PSCA: variants seen among roughly 807,000 people sequenced by gnomAD.
PSCA encodes prostate stem cell antigen.
PSCA carries 7 observed loss-of-function variants against 7.9 expected under a neutral mutation model. That is an observed-to-expected ratio of 0.89 (90% CI 0.51 to 1.67). The LOEUF is 1.67. Ranked by LOEUF, PSCA falls within the 40% of genes most tolerant of loss-of-function variation. PSCA has a pLI of 0.00. For synonymous variants in PSCA, 61 were observed against 68.3 expected, an observed-to-expected ratio of 0.89 and a Z score of 0.53; for missense variants, 151 against 147.9, an observed-to-expected ratio of 1.02 and a Z score of -0.11.
rs782368535 is a variant in PSCA, at chr8:142,682,161, C to A, written c.*29C>A. 10 of 1,579,140 alleles carry A rather than the reference C, an allele frequency of 6.3e-6. No homozygotes were observed. Among genetic ancestry groups the A allele is most frequent in the African/African-American group, 2.7e-5 (2 of 74,490 alleles). The stretch of plus-strand genomic sequence containing the variant: ...CTGGGGGGCCCCGCTGCAGCCCACA[C>A]TGGGTGTGGTGCCCCAGGCCTCTGT... On this transcript the variant is annotated 3_prime_UTR_variant, in exon 3 of 3. Coordinates refer to ENST00000301258, the MANE Select transcript of PSCA (RefSeq NM_005672.5).
At chr8:142,681,625 A>G (rs2920298) in intron 2 of PSCA, 191 bp downstream of exon 2, 292,063 of 634,118 alleles carry the variant, frequency 0.46, 68,423 homozygotes, top group Admixed American at 0.54. Context: ...TCCTCCACTC[A>G]TCTGTCCCTC....
At chr8:142,671,368 C>T (rs1554637347) in intron 1 of PSCA, among the ~76,000 whole-genome samples, 1 of 152,204 alleles carries the variant, frequency 6.6e-6, no homozygotes, top group African/African-American at 2.4e-5. Context: ...AACAGGGCCT[C>T]TCCTGGAGCC....
intron 1 of PSCA, among the ~76,000 whole-genome samples, chr8:142,672,700 C>G (rs1847348323): frequency 6.6e-6 from 1 of 152,144 alleles, no homozygotes; most frequent in Non-Finnish European, 1.5e-5. Flanking sequence ...GGTTAAGGAG[C>G]AGAAAGTTTA....
Position 142,682,396 on chromosome 8 carries a change from G to A in PSCA, c.*264G>A, listed in dbSNP as rs1554638554. Reference sequence around the variant, plus strand: ...AACCCTCTCTGCTGCTGTTTCCATGGCCCAGCATTCTCCACCCTTAACCCT... The same window carrying A: ...AACCCTCTCTGCTGCTGTTTCCATGACCCAGCATTCTCCACCCTTAACCCT... On this transcript the variant is annotated 3_prime_UTR_variant, in exon 3 of 3. Coordinates refer to ENST00000301258, the MANE Select transcript of PSCA (RefSeq NM_005672.5). 1 of 691,720 alleles carries A rather than the reference G, an allele frequency of 1.4e-6. No homozygotes were observed. Among genetic ancestry groups the A allele is most frequent in the East Asian group, 2.7e-5 (1 of 36,600 alleles). 42.8% of individuals were successfully genotyped at this position (691,720 alleles called of 1,614,324 possible). A position where few individuals can be genotyped will look rare whatever the true frequency, so the allele number is the denominator to read the frequency against.
chr8:142,671,015 A>G (rs1173001347), intron 1 of PSCA, among the ~76,000 whole-genome samples: 1 of 152,094 alleles, frequency 6.6e-6, no homozygotes, highest in East Asian at 1.9e-4. Flanking sequence ...AATACAATGT[A>G]AGCGCTATGT....
Position 142,681,485 on chromosome 8 carries a change from T to G in PSCA, c.133+51T>G, listed in dbSNP as rs782792311. 6 of 1,480,060 alleles carry G rather than the reference T, an allele frequency of 4.1e-6. No individual in the cohort carries two copies. In the African/African-American group the frequency reaches 8.4e-5, roughly 21 times the overall value. 91.7% of individuals were successfully genotyped at this position (1,480,060 alleles called of 1,614,324 possible). A position where few individuals can be genotyped will look rare whatever the true frequency, so the allele number is the denominator to read the frequency against. ...GGCCTAGGTCTCTGCCACTGAACTA[T>G]TAATCTTTCTGGCCATCTGTCCGCA... On this transcript the variant is annotated intron_variant, in intron 2 of 2. Coordinates refer to ENST00000301258, the MANE Select transcript of PSCA (RefSeq NM_005672.5).
upstream of PSCA, among the ~76,000 whole-genome samples, chr8:142,677,994 G>A (rs1174818697): frequency 6.6e-6 from 1 of 152,066 alleles, no homozygotes; most frequent in Non-Finnish European, 1.5e-5. Context: ...AGGGAGGTCG[G>A]GTCTTGCATC....
chr8:142,678,801 T>A (rs991093713), upstream of PSCA, among the ~76,000 whole-genome samples: 12 of 151,086 alleles, frequency 7.9e-5, no homozygotes, highest in Non-Finnish European at 1.6e-4. Flanking sequence ...CTGGGCCTGC[T>A]CTAGAGGACC....
intron 1 of PSCA, among the ~76,000 whole-genome samples, chr8:142,674,470 C>T (rs1847373938): frequency 6.6e-6 from 1 of 152,224 alleles, no homozygotes; most frequent in Non-Finnish European, 1.5e-5. Flanking sequence ...CCTCATCTTC[C>T]TCATGCAGTG....
chr8:142,670,373 G>A (rs1248431381), exon 1 of PSCA: 1 of 152,344 alleles, frequency 6.6e-6, no homozygotes, highest in Non-Finnish European at 1.5e-5. Context: ...AGGCGCCCAG[G>A]GTTTCGTGCC....
At chr8:142,671,729 G>A (rs2129849785) in intron 1 of PSCA, among the ~76,000 whole-genome samples, 1 of 152,164 alleles carries the variant, frequency 6.6e-6, no homozygotes, top group African/African-American at 2.4e-5. Flanking sequence ...TTAATTTTTT[G>A]TGGAAACGAG....
In PSCA at chr8:142,673,414, A is replaced by G. The variant is rs946874338; in HGVS notation, n.261+2846A>G. ...GGGCCTCTTCTCGAGGACCAAGTCC[A>G]TTCTGACACTGGGAGGGGTCAGAAA... On this transcript the variant is annotated intron_variant and non_coding_transcript_variant, in intron 1 of 1. Coordinates refer to the PSCA transcript ENST00000505305. This position sits in a 1 kb window ranked among gnomAD's most constrained non-coding sequence, Gnocchi z 4.6. Among the ~76,000 whole-genome samples, 4 of 152,182 alleles carry G rather than the reference A, an allele frequency of 2.6e-5. No individual in the cohort carries two copies. The highest frequency in any genetic ancestry group is 4.4e-5 in the Non-Finnish European group (3 of 68,028).
At position 142,673,555 on chromosome 8, in the gene PSCA, T is replaced by C. The variant is rs1847360397; in HGVS notation, n.261+2987T>C. ...TGCCATAGAGAAAGAGTTTAATTCA[T>C]GCAGAGCCAGCTGAACGGGAGACCA... On this transcript the variant is annotated intron_variant and non_coding_transcript_variant, in intron 1 of 1. Coordinates refer to the PSCA transcript ENST00000505305. The surrounding 1 kb of genome is among the most constrained non-coding windows in gnomAD (Gnocchi z 4.6). Among the ~76,000 whole-genome samples, 1 of 152,250 alleles carries C rather than the reference T, an allele frequency of 6.6e-6. No individual in the cohort carries two copies. The highest frequency in any genetic ancestry group is 1.5e-5 in the Non-Finnish European group (1 of 68,040).
intron 1 of PSCA, among the ~76,000 whole-genome samples, chr8:142,672,761 G>A (rs149085884): frequency 4.6e-5 from 7 of 152,296 alleles, no homozygotes; most frequent in Non-Finnish European, 1.0e-4. Context: ...CGAAAGAGGC[G>A]TCCAAAAGAG....
At position 142,681,196 on chromosome 8, in the gene PSCA, C is replaced by T. The variant is rs587604817; in HGVS notation, c.26-131C>T. The T allele has an allele frequency of 9.5e-5, 61 of 641,514 alleles. No homozygotes were observed. In the East Asian group the frequency reaches 1.0e-3, roughly 11 times the overall value. The allele number at this position is 641,514 out of a possible 1,614,324, so 39.7% of individuals were successfully genotyped here. ...GGGGGCCGTGAAGATGGGGAGGAGACATTGAGGGTGACAAGAGGGCGCCGA... is the reference window on the plus strand; with the variant it reads ...GGGGGCCGTGAAGATGGGGAGGAGATATTGAGGGTGACAAGAGGGCGCCGA... On this transcript the variant is annotated intron_variant, in intron 1 of 2. Coordinates refer to ENST00000301258, the MANE Select transcript of PSCA (RefSeq NM_005672.5).
chr8:142,678,035 ATCC>A (rs1847418340), upstream of PSCA, among the ~76,000 whole-genome samples: 1 of 152,018 alleles, frequency 6.6e-6, no homozygotes, highest in Non-Finnish European at 1.5e-5. Context: ...TGTCACCTTG[ATCC>A]CAGACTCAAG....
At chr8:142,678,563 G>A (rs1367961273), upstream of PSCA, among the ~76,000 whole-genome samples, 1 of 152,262 alleles carries the variant, frequency 6.6e-6, no homozygotes, top group Non-Finnish European at 1.5e-5. Flanking sequence ...GTGACCAGAG[G>A]CTGGCCAGAA....
rs1402552969 is a variant in PSCA at position 142,673,467 on chromosome 8, A to G, written n.261+2899A>G. The stretch of plus-strand genomic sequence containing the variant: ...GAGGAAGAAAATACACTAGCGTGTA[A>G]TCACCCAGTGGGTTCATTTTGACCC... On this transcript the variant is annotated intron_variant and non_coding_transcript_variant, in intron 1 of 1. Coordinates refer to the PSCA transcript ENST00000505305. This position sits in a 1 kb window ranked among gnomAD's most constrained non-coding sequence, Gnocchi z 4.6. Among the ~76,000 whole-genome samples the G allele has an allele frequency of 1.3e-5, 2 of 152,220 alleles. No homozygotes were observed. Among genetic ancestry groups the G allele is most frequent in the African/African-American group, 2.4e-5 (1 of 41,454 alleles).
rs377090136 is a variant in PSCA, at chr8:142,682,147, C to T, written c.*15C>T. On this transcript the variant is annotated 3_prime_UTR_variant, in exon 3 of 3. Coordinates refer to ENST00000301258, the MANE Select transcript of PSCA (RefSeq NM_005672.5). The stretch of plus-strand genomic sequence containing the variant: ...GCCAGCTCTAGGCTCTGGGGGGCCC[C>T]GCTGCAGCCCACACTGGGTGTGGTG... 45 of 1,589,052 alleles carry T rather than the reference C, an allele frequency of 2.8e-5. No homozygotes were observed. The highest frequency in any genetic ancestry group is 2.7e-4 in the East Asian group (12 of 44,410).
Sources: allele counts gnomAD v4.1 joint callset (sites outside exome capture counted in the v4.1 genomes callset), GRCh38; gene constraint gnomAD v4.1.1; non-coding constraint Gnocchi (gnomAD v3.1); transcripts MANE v1.5; gene names NCBI Gene and HGNC (gene_info 2026-07-23, HGNC 2026-07-21).